ADGRF1: variants seen among roughly 807,000 people sequenced by gnomAD.
The protein encoded by ADGRF1 is adhesion G protein-coupled receptor F1.
ADGRF1 carries 85 observed loss-of-function variants against 87.2 expected under a neutral mutation model. The ratio of observed to expected loss-of-function variants is 0.97; its 90% CI spans 0.82 to 1.17. The LOEUF (loss-of-function observed/expected upper bound fraction) is 1.17, where lower values mean the gene tolerates loss of function less well. ADGRF1 is among the 50% of genes most tolerant of loss of function. ADGRF1 has a pLI of 0.00. For missense variants in ADGRF1, 1,169 were observed against 1,077.2 expected (o/e 1.09, Z -1.19); for synonymous variants, 430 against 408.8 (o/e 1.05, Z -0.63).
At chr6:47,028,653 G>A (rs1780318908) in intron 2 of ADGRF1, among the ~76,000 whole-genome samples, 1 of 152,158 alleles carries the variant, frequency 6.6e-6, no homozygotes, top group South Asian at 2.1e-4. Context: ...AGACAGGAAA[G>A]ACAGTGTCTA....
intron 1 of ADGRF1, among the ~76,000 whole-genome samples, chr6:47,041,181 G>A (rs1052292343): frequency 2.0e-5 from 3 of 152,158 alleles, no homozygotes; most frequent in Admixed American, 2.0e-4. Flanking sequence ...AGTATTATGG[G>A]ACCATTATTA....
Position 47,020,488 on chromosome 6 carries a change from G to C in ADGRF1, c.611+243C>G, listed in dbSNP as rs1203412837. 3.4e-6 allele frequency: 5 copies of C among 1,460,362 alleles called. No homozygotes were observed. In the South Asian group the frequency reaches 6.3e-5, roughly 19 times the overall value. The allele number at this position is 1,460,362 out of a possible 1,614,324, so 90.5% of individuals were successfully genotyped here. A position where few individuals can be genotyped will look rare whatever the true frequency, so the allele number is the denominator to read the frequency against. On this transcript the variant is annotated intron_variant, in intron 7 of 14. Transcript: ENST00000371253. Reference sequence around the variant, plus strand: ...CATTGCACTCCAACTTGGGCGACAAGAGTGACATTCTGTCAAAAAAAAAAA... The same window carrying C: ...CATTGCACTCCAACTTGGGCGACAACAGTGACATTCTGTCAAAAAAAAAAA...
At chr6:47,030,765 T>C (rs1438965532) in intron 1 of ADGRF1, among the ~76,000 whole-genome samples, 1 of 151,624 alleles carries the variant, frequency 6.6e-6, no homozygotes, top group Non-Finnish European at 1.5e-5. Context: ...CCACTTTTTC[T>C]TCACTCTTTT....
chr6:47,023,355 G>T (rs931329740), intron 5 of ADGRF1, among the ~76,000 whole-genome samples: 7 of 152,094 alleles, frequency 4.6e-5, no homozygotes, highest in South Asian at 2.1e-4. Flanking sequence ...CAATTAAGCT[G>T]GGCTATTTCA....
At chr6:47,020,903 G>T in intron 6 of ADGRF1, 114 bp from the exon 7 acceptor site, 2 of 776,122 alleles carry the variant, frequency 2.6e-6, no homozygotes, top group Non-Finnish European at 4.4e-6. Flanking sequence ...AAGGAGCAAA[G>T]AAAAGAGACA....
At chr6:47,026,334 A>C (rs1480949572) in intron 3 of ADGRF1, among the ~76,000 whole-genome samples, 1 of 152,112 alleles carries the variant, frequency 6.6e-6, no homozygotes, top group Non-Finnish European at 1.5e-5. Context: ...TCAAGACTGA[A>C]GGGGGAAGAG....
rs181821114 is a variant in ADGRF1, at chr6:47,001,132, T to C, written c.2659+369A>G. Reference sequence around the variant, plus strand: ...CACAAGCACCTGGCCGCGTGCCCACTGCTTGGCAGCTGGCACAAAGGGGTG... The same window carrying C: ...CACAAGCACCTGGCCGCGTGCCCACCGCTTGGCAGCTGGCACAAAGGGGTG... On this transcript the variant is annotated intron_variant, in intron 14 of 14. Coordinates refer to ENST00000371253, the MANE Select transcript of ADGRF1 (RefSeq NM_153840.4). Among the ~76,000 whole-genome samples the C allele has an allele frequency of 3.3e-5, 5 of 152,362 alleles. No individual in the cohort carries two copies. In the East Asian group the frequency reaches 9.6e-4, roughly 29 times the overall value.
At chr6:47,034,984 G>A (rs1199347867) in intron 1 of ADGRF1, among the ~76,000 whole-genome samples, 2 of 152,162 alleles carry the variant, frequency 1.3e-5, no homozygotes, top group Non-Finnish European at 2.9e-5. Flanking sequence ...TTTAGTCTGC[G>A]CTTTGCATCT....
At chr6:47,024,427 G>C (rs1466602014) in intron 4 of ADGRF1, 1 of 447,618 alleles carries the variant, frequency 2.2e-6, no homozygotes, top group Non-Finnish European at 4.0e-6. Context: ...TGAATCTTGT[G>C]CGTCAGCCAC....
chr6:47,014,420 A>G, intron 9 of ADGRF1: 1 of 1,191,520 alleles, frequency 8.4e-7, no homozygotes. Context: ...CTCCTCAGCA[A>G]TGATACACTC....
At position 47,026,043 on chromosome 6, in the gene ADGRF1, C is replaced by T. The variant is rs1780222589; in HGVS notation, c.128-40G>A. On this transcript the variant is annotated intron_variant, in intron 3 of 14. Coordinates refer to ENST00000371253, the MANE Select transcript of ADGRF1 (RefSeq NM_153840.4). ...AGAGTCAGAAACCTTTTTTTCTGTC[C>T]TTGGGGAAAATATTGCTGAGGAAGT... 3 of 1,514,452 alleles carry T rather than the reference C, an allele frequency of 2.0e-6. No individual in the cohort carries two copies. The East Asian group carries it at 6.9e-5, about 35-fold the overall frequency. The allele number at this position is 1,514,452 out of a possible 1,614,324, so 93.8% of individuals were successfully genotyped here.
Position 47,034,364 on chromosome 6 carries a change from T to C in ADGRF1, c.-43-5260A>G, listed in dbSNP as rs117575173. ...CTTTATTCTTGTTTTCTCCTCAAAC[T>C]GGTTATTAAATTCTTTAACATCTTT... On this transcript the variant is annotated intron_variant, in intron 1 of 14. Transcript: ENST00000371253. 2.5e-4 allele frequency among the ~76,000 whole-genome samples: 38 copies of C among 152,364 alleles called. No individual in the cohort carries two copies. The East Asian group carries it at 7.1e-3, about 29-fold the overall frequency.
chr6:47,009,452 CA>C lies in ADGRF1; in HGVS notation c.1982del (p.Val661GlyfsTer37). Reference sequence around the variant, plus strand: ...AGAGGTAGAAGAAGTGTGTAAAGAACACAGCAGCTGTGCAGACTCCAGAAGG... The same window carrying C: ...AGAGGTAGAAGAAGTGTGTAAAGAACCAGCAGCTGTGCAGACTCCAGAAGG... Reference protein sequence around the residue: ...VNPSGVCTAAVFFTHFFYLSL... With the variant: ...VNPSGVCTAAXFFTHFFYLSL... On this transcript the variant is annotated frameshift_variant, in exon 11 of 15. Transcript: ENST00000371253. LOFTEE classifies it high-confidence loss of function. 1.2e-6 allele frequency: 2 copies of C among 1,613,870 alleles called. No homozygotes were observed.
chr6:47,016,876 C>A (rs1238551853), intron 7 of ADGRF1, 108 bp from the exon 8 acceptor site: 2 of 1,359,458 alleles, frequency 1.5e-6, no homozygotes, highest in African/African-American at 1.5e-5. Context: ...ATAAAGTAAA[C>A]AGAGCTTACA....
intron 1 of ADGRF1, among the ~76,000 whole-genome samples, chr6:47,035,173 GC>G (rs2113909783): frequency 6.6e-6 from 1 of 152,280 alleles, no homozygotes; most frequent in Admixed American, 6.5e-5. Flanking sequence ...TGAAGACCCA[GC>G]CGCTTGTGGT....
intron 13 of ADGRF1, among the ~76,000 whole-genome samples, chr6:47,005,470 A>C (rs1306162130): frequency 1.3e-5 from 2 of 152,218 alleles, no homozygotes; most frequent in African/African-American, 4.8e-5. Context: ...AGGTTCAGAA[A>C]GTCAGATGAA....
At chr6:47,038,596 A>G (rs1363893160) in intron 1 of ADGRF1, among the ~76,000 whole-genome samples, 2 of 152,212 alleles carry the variant, frequency 1.3e-5, no homozygotes, top group East Asian at 3.8e-4. Flanking sequence ...TGTTGGGAAC[A>G]TTGAATACTC....
At chr6:47,041,298 T>G (rs1034582716) in intron 1 of ADGRF1, among the ~76,000 whole-genome samples, 1 of 152,210 alleles carries the variant, frequency 6.6e-6, no homozygotes, top group African/African-American at 2.4e-5. Context: ...TATTAAAGAA[T>G]GTACTTTTAT....
chr6:47,014,658 T>G, intron 9 of ADGRF1, 23 bp downstream of exon 9: 3 of 1,610,542 alleles, frequency 1.9e-6, no homozygotes, highest in Non-Finnish European at 2.5e-6. Context: ...CCAGGGCAAG[T>G]CTACACAGTG....
Sources: allele counts gnomAD v4.1 joint callset (sites outside exome capture counted in the v4.1 genomes callset), GRCh38; gene constraint gnomAD v4.1.1; transcripts MANE v1.5; gene names NCBI Gene and HGNC (gene_info 2026-07-23, HGNC 2026-07-21).